Variants in AOPEP observed in about 807,000 individuals in gnomAD.
AOPEP encodes the protein aminopeptidase O.
Under a neutral mutation model 98.1 loss-of-function variants are expected in AOPEP, and 77 were observed. That is an observed-to-expected ratio of 0.78 (90% confidence interval 0.65 to 0.95). AOPEP has a LOEUF of 0.95. Among genes scored for constraint, AOPEP ranks in the 40% least tolerant of loss-of-function variants. The probability of loss-of-function intolerance (pLI) is 0.00; values close to 1 mark genes in which losing one functional copy is unlikely to be tolerated. For synonymous variants in AOPEP, 346 were observed against 365.3 expected, an observed-to-expected ratio of 0.95 and a Z score of 0.60; for missense variants, 1,024 against 1,024.7, an observed-to-expected ratio of 1.00 and a Z score of 0.01.
intron 5 of AOPEP, among the ~76,000 whole-genome samples, chr9:94,854,511 T>C (rs745826278): frequency 2.0e-5 from 3 of 152,196 alleles, no homozygotes; most frequent in Non-Finnish European, 4.4e-5. Context: ...CATCTTCTGG[T>C]TTCCAGCTGT....
At chr9:95,030,517 GGA>G (rs2064203990) in intron 13 of AOPEP, among the ~76,000 whole-genome samples, 1 of 152,312 alleles carries the variant, frequency 6.6e-6, no homozygotes, top group African/African-American at 2.4e-5. Flanking sequence ...CCTGTGTCCT[GGA>G]GTAAATGGCT....
At position 95,080,621 on chromosome 9, in the gene AOPEP, G is replaced by A. The variant is rs2069635012; in HGVS notation, c.2233-73G>A. On this transcript the variant is annotated intron_variant, in intron 14 of 16. Coordinates refer to ENST00000375315, the MANE Select transcript of AOPEP (RefSeq NM_001193329.3). ...CACAGCTTTCCGGAATACAGAGGCT[G>A]CCTGTCACTGGGCCCGGTGGGCTGG... The A allele has an allele frequency of 3.0e-6, 3 of 996,372 alleles. No homozygotes were observed. In the Admixed American group the frequency reaches 5.2e-5, roughly 17 times the overall value. 61.7% of individuals were successfully genotyped at this position (996,372 alleles called of 1,614,324 possible).
chr9:95,016,136 T>C (rs1185564335), intron 13 of AOPEP, among the ~76,000 whole-genome samples: 1 of 152,078 alleles, frequency 6.6e-6, no homozygotes, highest in African/African-American at 2.4e-5. Context: ...AAGCTTTTTT[T>C]TTTTTTCCCC....
chr9:94,876,412 C>A (rs2046950387), intron 5 of AOPEP, among the ~76,000 whole-genome samples: 1 of 150,696 alleles, frequency 6.6e-6, no homozygotes, highest in African/African-American at 2.4e-5. Context: ...ATCCCCCAGG[C>A]TGGAGTGCAA....
intron 13 of AOPEP, among the ~76,000 whole-genome samples, chr9:95,021,079 A>T (rs560954397): frequency 6.6e-6 from 1 of 152,210 alleles, no homozygotes; most frequent in African/African-American, 2.4e-5. Flanking sequence ...GCTGATTTTC[A>T]TGTTTATATA....
intron 11 of AOPEP, among the ~76,000 whole-genome samples, chr9:95,002,011 T>C (rs566188905): frequency 1.5e-4 from 22 of 151,540 alleles, no homozygotes; most frequent in African/African-American, 5.3e-4. Flanking sequence ...ACTCTTAGGC[T>C]CAAGAGATCC....
chr9:94,942,574 G>T (rs2057124660), intron 7 of AOPEP, among the ~76,000 whole-genome samples: 1 of 152,086 alleles, frequency 6.6e-6, no homozygotes, highest in African/African-American at 2.4e-5. Context: ...TATAGCCAGG[G>T]CAGTTAGGCA....
intron 2 of AOPEP, among the ~76,000 whole-genome samples, chr9:94,760,944 C>T (rs1838141519): frequency 6.6e-6 from 1 of 152,158 alleles, no homozygotes; most frequent in African/African-American, 2.4e-5. Context: ...ACTTGCTTAA[C>T]GTTCCTTCAT....
chr9:94,863,854 AACTGTCCTTCAAGGAGCTT>A (rs1470383451), intron 5 of AOPEP, among the ~76,000 whole-genome samples: 1 of 152,228 alleles, frequency 6.6e-6, no homozygotes, highest in African/African-American at 2.4e-5. Context: ...GGCCTGCACC[AACTGTCCTTCAAGGAGCTT>A]TCCCAGAAGC....
At chr9:94,958,199 CA>C (rs1422330123) in intron 9 of AOPEP, among the ~76,000 whole-genome samples, 1 of 151,652 alleles carries the variant, frequency 6.6e-6, no homozygotes, top group Non-Finnish European at 1.5e-5. Flanking sequence ...AGAGGTCATC[CA>C]TGTTGCAGCA....
the AOPEP span, among the ~76,000 whole-genome samples, chr9:95,144,804 G>A: frequency 3.8e-4 from 58 of 152,278 alleles, no homozygotes; most frequent in Admixed American, 1.2e-3. Flanking sequence ...GCCGTGAAGC[G>A]TGTGCTCCAT....
intron 5 of AOPEP, among the ~76,000 whole-genome samples, chr9:94,905,086 C>T (rs1361005764): frequency 6.6e-6 from 1 of 152,172 alleles, no homozygotes; most frequent in Non-Finnish European, 1.5e-5. Context: ...TTGATAAAAG[C>T]ATCTTTGTTC....
In AOPEP at chr9:94,773,044, C is replaced by A; in HGVS notation, c.840C>A (p.Ala280=). ...TGGGATCTCCCATAAACAACAGGGC[C>A]CTTTTTCCATGCCAGGAGCCACCCG... ...YTVGSPINNR[A]LFPCQEPPVA... Residue 280 remains alanine (A), a synonymous_variant, in exon 3 of 17, where the codon GCC becomes GCA. Transcript: ENST00000375315. 1 of 1,614,002 alleles carries A rather than the reference C, an allele frequency of 6.2e-7. No individual in the cohort carries two copies. Among genetic ancestry groups the A allele is most frequent in the Non-Finnish European group, 8.5e-7 (1 of 1,179,958 alleles).
At chr9:94,895,076 T>G (rs1049359898) in intron 5 of AOPEP, among the ~76,000 whole-genome samples, 1 of 151,846 alleles carries the variant, frequency 6.6e-6, no homozygotes, top group Non-Finnish European at 1.5e-5. Flanking sequence ...GTATTTGTAA[T>G]CAAAAGGCAG....
intron 5 of AOPEP, among the ~76,000 whole-genome samples, chr9:94,833,221 C>T (rs1007488102): frequency 7.4e-5 from 11 of 148,350 alleles, no homozygotes; most frequent in Non-Finnish European, 1.5e-4. Context: ...CAAGCATGAG[C>T]CACCACACCC....
intron 3 of AOPEP, among the ~76,000 whole-genome samples, chr9:94,792,481 G>A (rs1845942472): frequency 6.6e-6 from 1 of 152,024 alleles, no homozygotes; most frequent in Non-Finnish European, 1.5e-5. Context: ...GGCCTTCTGT[G>A]TTTACAGCTG....
chr9:94,863,531 A>C (rs1288051779), intron 5 of AOPEP, among the ~76,000 whole-genome samples: 1 of 151,952 alleles, frequency 6.6e-6, no homozygotes, highest in Non-Finnish European at 1.5e-5. Context: ...ATCCGCCTGC[A>C]TGGCCTCCCA....
chr9:95,004,375 C>A, intron 11 of AOPEP: 1 of 434,320 alleles, frequency 2.3e-6, no homozygotes, highest in South Asian at 1.6e-5. Flanking sequence ...CCACGGCAGT[C>A]TGAGGGCTGC....
chr9:94,864,996 A>AC (rs968330484), intron 5 of AOPEP, among the ~76,000 whole-genome samples: 2 of 152,162 alleles, frequency 1.3e-5, no homozygotes, highest in Admixed American at 1.3e-4. Context: ...TACAATCTTC[A>AC]TTTTACGACT....
Sources: gnomAD v4.1 joint callset for allele counts (sites outside exome capture counted in the v4.1 genomes callset) on GRCh38, gnomAD v4.1.1 for gene constraint, MANE v1.5 for transcripts, NCBI Gene and HGNC (gene_info 2026-07-23, HGNC 2026-07-21) for gene names.